The following SEC24B variants were observed in gnomAD, a reference collection of about 807,000 sequenced individuals.
SEC24B encodes the protein SEC24 homolog B, COPII component, also known as protein transport protein Sec24B.
A neutral mutation model predicts 142.8 loss-of-function variants in SEC24B; 45 were observed. The ratio of observed to expected loss-of-function variants is 0.32; its 90% CI spans 0.25 to 0.40. SEC24B has a LOEUF of 0.40. SEC24B is among the 10% of genes least tolerant of loss of function. The probability of loss-of-function intolerance (pLI) is 1.00; values close to 1 mark genes in which losing one functional copy is unlikely to be tolerated. For synonymous variants in SEC24B, 574 were observed against 568.2 expected, an observed-to-expected ratio of 1.01 and a Z score of -0.15; for missense variants, 1,409 against 1,526.8, an observed-to-expected ratio of 0.92 and a Z score of 1.29.
At position 109,512,971 on chromosome 4, in the gene SEC24B, CT is replaced by C. The variant is rs60804973; in HGVS notation, c.1904-756del. 1.6e-3 allele frequency among the ~76,000 whole-genome samples: 164 copies of C among 103,624 alleles called. 1 individual carries two copies. Among genetic ancestry groups the C allele is most frequent in the East Asian group, 2.1e-3 (7 of 3,396 alleles). 68.0% of individuals were successfully genotyped at this position (103,624 alleles called of 152,430 possible). On this transcript the variant is annotated intron_variant, in intron 9 of 23. Coordinates refer to ENST00000265175, the MANE Select transcript of SEC24B (RefSeq NM_006323.5). ...ATGAGCCACTGCACCTAAGCCTGAT[CT>C]TTTTTTTTTTTTTTTTTTTGGAGAT...
chr4:109,496,817 C>T (rs1735588319), intron 6 of SEC24B, among the ~76,000 whole-genome samples: 1 of 152,118 alleles, frequency 6.6e-6, no homozygotes, highest in Middle Eastern at 3.2e-3. Flanking sequence ...TCTGTTGTTT[C>T]ATGTGAAACA....
intron 2 of SEC24B, among the ~76,000 whole-genome samples, chr4:109,468,175 A>G (rs1314333966): frequency 6.6e-6 from 1 of 152,264 alleles, no homozygotes; most frequent in Non-Finnish European, 1.5e-5. Context: ...CAAGTAGTGC[A>G]GTACAAGAGA....
intron 9 of SEC24B, among the ~76,000 whole-genome samples, chr4:109,513,181 G>A (rs1408980998): frequency 2.0e-5 from 3 of 151,272 alleles, no homozygotes; most frequent in Non-Finnish European, 2.9e-5. Context: ...TACCATATTG[G>A]CCAGGCTGGT....
chr4:109,525,050 G>A (rs1724068872), intron 15 of SEC24B, 109 bp downstream of exon 15: 2 of 973,334 alleles, frequency 2.1e-6, no homozygotes, highest in African/African-American at 1.7e-5. Context: ...AAAAGCATGT[G>A]CATTAGATAG....
Position 109,463,545 on chromosome 4 carries a change from C to T in SEC24B, c.778C>T (p.Leu260=). The T allele has an allele frequency of 6.2e-7, 1 of 1,614,180 alleles. No individual in the cohort carries two copies. The highest frequency in any genetic ancestry group is 8.5e-7 in the Non-Finnish European group (1 of 1,180,044). ...QQQSLSGYST[L]TWSSPGLPST... ...GCAAAGTCTTTCAGGATACAGTACTCTAACGTGGTCATCTCCAGGCCTTCC... is the reference window on the plus strand; with the variant it reads ...GCAAAGTCTTTCAGGATACAGTACTTTAACGTGGTCATCTCCAGGCCTTCC... Residue 260 remains leucine (L), a synonymous_variant, in exon 2 of 24, where the codon CTA becomes TTA. Coordinates refer to ENST00000265175, the MANE Select transcript of SEC24B (RefSeq NM_006323.5).
intron 2 of SEC24B, among the ~76,000 whole-genome samples, chr4:109,465,489 C>T (rs1239877804): frequency 1.3e-5 from 2 of 152,328 alleles, no homozygotes; most frequent in East Asian, 3.9e-4. Context: ...GCCTAGAGGT[C>T]AGTTTCTTCT....
intron 1 of SEC24B, among the ~76,000 whole-genome samples, chr4:109,458,480 C>G (rs892701603): frequency 1.3e-5 from 2 of 152,084 alleles, no homozygotes; most frequent in African/African-American, 4.8e-5. Context: ...CCAACAATTG[C>G]AACTGGTAGG....
At chr4:109,466,556 A>G (rs1450008886) in intron 2 of SEC24B, among the ~76,000 whole-genome samples, 7 of 152,024 alleles carry the variant, frequency 4.6e-5, no homozygotes, top group East Asian at 1.9e-4. Context: ...GACTAGCGGC[A>G]CCCGCCACCA....
At chr4:109,473,246 T>C (rs1732724687) in intron 3 of SEC24B, 60 bp downstream of exon 3, 2 of 1,211,416 alleles carry the variant, frequency 1.7e-6, no homozygotes, top group African/African-American at 3.2e-5. Context: ...TTATAGAAGA[T>C]ATGAAAAAAA....
At chr4:109,453,051 C>T (rs564252061) in intron 1 of SEC24B, among the ~76,000 whole-genome samples, 9 of 152,214 alleles carry the variant, frequency 5.9e-5, no homozygotes, top group Admixed American at 1.3e-4. Context: ...CATCACATGT[C>T]GGCAGGTTCT....
intron 4 of SEC24B, among the ~76,000 whole-genome samples, chr4:109,489,468 G>T (rs77138770): frequency 2.1e-4 from 32 of 151,548 alleles, no homozygotes; most frequent in African/African-American, 6.0e-4. Flanking sequence ...ACAGTGTTGT[G>T]CAGTCCCCAC....
chr4:109,498,100 T>C (rs1269395722), intron 6 of SEC24B, among the ~76,000 whole-genome samples: 5 of 152,208 alleles, frequency 3.3e-5, no homozygotes, highest in Non-Finnish European at 7.3e-5. Flanking sequence ...AGCACTTTTT[T>C]TCTCTTTAAC....
At chr4:109,508,314 C>T (rs1307737733) in intron 7 of SEC24B, among the ~76,000 whole-genome samples, 1 of 152,108 alleles carries the variant, frequency 6.6e-6, no homozygotes, top group Non-Finnish European at 1.5e-5. Flanking sequence ...GCTGTAATTC[C>T]AGCACTTTGG....
intron 1 of SEC24B, among the ~76,000 whole-genome samples, chr4:109,460,715 A>T (rs1019542181): frequency 6.6e-6 from 1 of 151,718 alleles, no homozygotes; most frequent in African/African-American, 2.4e-5. Context: ...TAAAGAAGTT[A>T]ATATATGTAA....
chr4:109,535,657 G>A (rs1170687806), intron 22 of SEC24B, among the ~76,000 whole-genome samples: 2 of 152,020 alleles, frequency 1.3e-5, no homozygotes, highest in Non-Finnish European at 2.9e-5. Context: ...GACCATCCTG[G>A]CTAACATGGT....
intron 22 of SEC24B, among the ~76,000 whole-genome samples, chr4:109,535,588 C>T (rs1402506013): frequency 6.7e-6 from 1 of 150,208 alleles, no homozygotes; most frequent in Non-Finnish European, 1.5e-5. Context: ...GTGGCTCATG[C>T]CTGTAATCCC....
intron 22 of SEC24B, among the ~76,000 whole-genome samples, chr4:109,534,519 G>A (rs563833525): frequency 2.6e-5 from 4 of 151,974 alleles, no homozygotes; most frequent in South Asian, 4.2e-4. Flanking sequence ...CTCGGGAGGC[G>A]GAGCTTGCAG....
chr4:109,487,663 C>T (rs777782168), intron 4 of SEC24B, among the ~76,000 whole-genome samples: 20 of 152,172 alleles, frequency 1.3e-4, no homozygotes, highest in East Asian at 3.9e-4. Context: ...CTGATTAATG[C>T]GTTACTTAGA....
chr4:109,488,875 T>C (rs181060359), intron 4 of SEC24B: 2 of 160,312 alleles, frequency 1.2e-5, no homozygotes, highest in East Asian at 1.9e-4. Context: ...CATCTTTTCA[T>C]GTGTTTATTG....
Sources: allele counts gnomAD v4.1 joint callset (sites outside exome capture counted in the v4.1 genomes callset), GRCh38; gene constraint gnomAD v4.1.1; transcripts MANE v1.5; gene names NCBI Gene and HGNC (gene_info 2026-07-23, HGNC 2026-07-21).